Variants in UBL3 observed in about 807,000 individuals in gnomAD.
UBL3 encodes the protein ubiquitin-like protein 3.
In UBL3, 6 loss-of-function variants were observed where a neutral mutation model predicts 18.4. The ratio of observed to expected loss-of-function variants is 0.33; its 90% CI spans 0.18 to 0.64. The LOEUF (loss-of-function observed/expected upper bound fraction) is 0.64, where lower values mean the gene tolerates loss of function less well. Among genes scored for constraint, UBL3 ranks in the 30% least tolerant of loss-of-function variants. The pLI, the probability that UBL3 is intolerant of heterozygous loss-of-function variation, is 0.76. For synonymous variants in UBL3, 49 were observed against 46.6 expected (o/e 1.05, Z -0.21); for missense variants, 109 against 142.9 (o/e 0.76, Z 1.21).
intron 4 of UBL3, 82 bp from the exon 5 acceptor site, chr13:29,767,389 G>T: frequency 6.6e-7 from 1 of 1,512,120 alleles, no homozygotes. Flanking sequence ...AGTGTAGGAA[G>T]TAGTAGTTTT....
At chr13:29,798,066 C>T (rs1440935025) in intron 1 of UBL3, among the ~76,000 whole-genome samples, 1 of 151,474 alleles carries the variant, frequency 6.6e-6, no homozygotes, top group Non-Finnish European at 1.5e-5. Flanking sequence ...CTCTGTTGTG[C>T]CCAGGCTAGA....
chr13:29,843,941 A>G (rs1879171257), intron 1 of UBL3, among the ~76,000 whole-genome samples: 1 of 152,238 alleles, frequency 6.6e-6, no homozygotes, highest in African/African-American at 2.4e-5. Context: ...AGCATATAGA[A>G]TACTCATCTT....
intron 1 of UBL3, among the ~76,000 whole-genome samples, chr13:29,780,353 C>CAAAAAA (rs71746248): frequency 0.068 from 570 of 8,354 alleles, 58 homozygotes; most frequent in African/African-American, 0.098. Flanking sequence ...GACTCTGTCT[C>CAAAAAA]AAAAAAAAAA....
intron 1 of UBL3, among the ~76,000 whole-genome samples, chr13:29,799,525 ATAT>A (rs1363203153): frequency 1.3e-5 from 2 of 152,212 alleles, no homozygotes; most frequent in Non-Finnish European, 2.9e-5. Context: ...ACATGATCAC[ATAT>A]TATTTTCTTT....
chr13:29,817,885 T>C (rs1345232596), intron 1 of UBL3, among the ~76,000 whole-genome samples: 1 of 152,160 alleles, frequency 6.6e-6, no homozygotes, highest in Non-Finnish European at 1.5e-5. Flanking sequence ...TTAGATTTGA[T>C]CCAGAGAATG....
In UBL3 at chr13:29,831,509, A is replaced by T. The variant is rs189999543; in HGVS notation, c.27+18003T>A. ...AGGCTGAGGCAGGAGAATCGCTTGA[A>T]CCAGGGAGACGGAGGTTGCGGTGAG... On this transcript the variant is annotated intron_variant, in intron 1 of 4. Transcript: ENST00000380680. 1.9e-3 allele frequency among the ~76,000 whole-genome samples: 285 copies of T among 151,748 alleles called. 2 individuals carry two copies. Among genetic ancestry groups the T allele is most frequent in the African/African-American group, 6.7e-3 (278 of 41,368 alleles).
rs1469811754 is a variant in UBL3 at position 29,765,085 on chromosome 13, T to C, written c.*2170A>G. 1 of 152,064 alleles carries C rather than the reference T, an allele frequency of 6.6e-6. No homozygotes were observed. The highest frequency in any genetic ancestry group is 2.4e-5 in the African/African-American group (1 of 41,408). The allele number at this position is 152,064 out of a possible 1,614,324, so 9.4% of individuals were successfully genotyped here. ...TTTATTTCACTTAGCAAACTCTAAA[T>C]TGAGGGAAATATATAATCTGAGAAC... On this transcript the variant is annotated 3_prime_UTR_variant, in exon 5 of 5. Coordinates refer to ENST00000380680, the MANE Select transcript of UBL3 (RefSeq NM_007106.4).
Position 29,765,274 on chromosome 13 carries a change from A to G in UBL3, c.*1981T>C, listed in dbSNP as rs548507847. On this transcript the variant is annotated 3_prime_UTR_variant, in exon 5 of 5. Transcript: ENST00000380680. ...GTTTGTTTTACAAAATAGAGCCATA[A>G]ATTGTTTAATTGCCCAATTAAGCAA... The G allele has an allele frequency of 2.6e-5, 4 of 152,292 alleles. No homozygotes were observed. Among genetic ancestry groups the G allele is most frequent in the African/African-American group, 9.6e-5 (4 of 41,578 alleles). The allele number at this position is 152,292 out of a possible 1,614,324, so 9.4% of individuals were successfully genotyped here. A position where few individuals can be genotyped will look rare whatever the true frequency, so the allele number is the denominator to read the frequency against.
chr13:29,815,904 T>G (rs1878264570), intron 1 of UBL3, among the ~76,000 whole-genome samples: 2 of 152,188 alleles, frequency 1.3e-5, no homozygotes, highest in Non-Finnish European at 1.5e-5. Flanking sequence ...ACATTTCTGA[T>G]GTAGGTAAGT....
chr13:29,826,898 G>T (rs185940408), intron 1 of UBL3, among the ~76,000 whole-genome samples: 4,487 of 152,104 alleles, frequency 0.029, 127 homozygotes, highest in African/African-American at 0.062. Flanking sequence ...TTGTTCTCAT[G>T]GGTTTCAAAG....
intron 1 of UBL3, among the ~76,000 whole-genome samples, chr13:29,784,480 C>G (rs1236723724): frequency 6.6e-6 from 1 of 151,990 alleles, no homozygotes; most frequent in Non-Finnish European, 1.5e-5. Flanking sequence ...TGCCTTTCTA[C>G]TGCTCATTCC....
intron 1 of UBL3, among the ~76,000 whole-genome samples, chr13:29,816,637 C>T (rs1878289629): frequency 6.6e-6 from 1 of 151,334 alleles, no homozygotes; most frequent in Non-Finnish European, 1.5e-5. Context: ...TGCCTGTGGT[C>T]CCAACTACTC....
chr13:29,848,280 CAAAAAAAAAAAAA>C (rs11372209), intron 1 of UBL3, among the ~76,000 whole-genome samples: 1 of 68,320 alleles, frequency 1.5e-5, no homozygotes, highest in Non-Finnish European at 2.6e-5. Flanking sequence ...CCTGTCTCCA[CAAAAAAAAAAAAA>C]AAAAAAAAAA....
At chr13:29,771,331 A>G (rs1444847368) in intron 3 of UBL3, among the ~76,000 whole-genome samples, 1 of 152,022 alleles carries the variant, frequency 6.6e-6, no homozygotes, top group African/African-American at 2.4e-5. Context: ...CTACCATCAA[A>G]TCCTGTTGAT....
At chr13:29,843,963 ATG>A (rs777480929) in intron 1 of UBL3, among the ~76,000 whole-genome samples, 3 of 152,254 alleles carry the variant, frequency 2.0e-5, no homozygotes, top group Non-Finnish European at 4.4e-5. Flanking sequence ...TGTAATAAAA[ATG>A]TGTGATTAAT....
chr13:29,842,314 T>C (rs1012612794), intron 1 of UBL3, among the ~76,000 whole-genome samples: 2 of 151,978 alleles, frequency 1.3e-5, no homozygotes, highest in South Asian at 2.1e-4. Flanking sequence ...CCTGCCACAA[T>C]GCCCAGCTAA....
chr13:29,798,343 A>G (rs1456037761), intron 1 of UBL3, among the ~76,000 whole-genome samples: 1 of 152,140 alleles, frequency 6.6e-6, no homozygotes, highest in Non-Finnish European at 1.5e-5. Context: ...TCTTTAATGA[A>G]GGCATGGTAC....
intron 1 of UBL3, among the ~76,000 whole-genome samples, chr13:29,801,847 T>C (rs1318338953): frequency 8.5e-5 from 13 of 152,176 alleles, no homozygotes; most frequent in Non-Finnish European, 1.3e-4. Flanking sequence ...CACTGATTGA[T>C]AGAGGGTCTG....
chr13:29,843,320 T>C (rs1195631193), intron 1 of UBL3, among the ~76,000 whole-genome samples: 1 of 152,208 alleles, frequency 6.6e-6, no homozygotes, highest in Non-Finnish European at 1.5e-5. Flanking sequence ...CTATCAACTA[T>C]TTTAAATATT....
Sources: gnomAD v4.1 joint callset for allele counts (sites outside exome capture counted in the v4.1 genomes callset) on GRCh38, gnomAD v4.1.1 for gene constraint, MANE v1.5 for transcripts, NCBI Gene and HGNC (gene_info 2026-07-23, HGNC 2026-07-21) for gene names.